Variants in KHDRBS2 observed in about 807,000 individuals in gnomAD.
KHDRBS2 encodes the protein KH domain-containing, RNA-binding, signal transduction-associated protein 2.
KHDRBS2 carries 26 observed loss-of-function variants against 44.3 expected under a neutral mutation model. The ratio of observed to expected loss-of-function variants is 0.59; its 90% CI spans 0.43 to 0.81. The LOEUF is 0.81. Among genes scored for constraint, KHDRBS2 ranks in the 40% least tolerant of loss-of-function variants. The pLI, the probability that KHDRBS2 is intolerant of heterozygous loss-of-function variation, is 0.00. For missense variants in KHDRBS2, 476 were observed against 433.1 expected (o/e 1.10, Z -0.88); for synonymous variants, 194 against 151.1 (o/e 1.28, Z -2.08).
intron 2 of KHDRBS2, among the ~76,000 whole-genome samples, chr6:62,110,345 A>G (rs1804707860): frequency 6.6e-6 from 1 of 152,078 alleles, no homozygotes; most frequent in Non-Finnish European, 1.5e-5. Flanking sequence ...AGAGAAAGAA[A>G]TATCTGTACC....
At chr6:61,862,822 C>T (rs139337018) in intron 6 of KHDRBS2, among the ~76,000 whole-genome samples, 2,400 of 152,074 alleles carry the variant, frequency 0.016, 40 homozygotes, top group African/African-American at 0.043. Flanking sequence ...ATCAGGATGA[C>T]GCTGGCCTCA....
chr6:61,818,037 G>A (rs540627910), intron 6 of KHDRBS2, among the ~76,000 whole-genome samples: 236 of 151,978 alleles, frequency 1.6e-3, no homozygotes, highest in African/African-American at 5.5e-3. Flanking sequence ...AAACCCAGAG[G>A]CTTGAATCAC....
At chr6:61,816,575 C>T (rs1464821846) in intron 6 of KHDRBS2, 5 of 444,252 alleles carry the variant, frequency 1.1e-5, no homozygotes, top group Non-Finnish European at 1.8e-5. Flanking sequence ...GCCTCCAGAA[C>T]TATGAGAAAA....
intron 1 of KHDRBS2, among the ~76,000 whole-genome samples, chr6:62,179,020 G>A (rs1198707560): frequency 6.6e-6 from 1 of 151,266 alleles, no homozygotes; most frequent in Non-Finnish European, 1.5e-5. Flanking sequence ...TAATAGTTTT[G>A]TTTTTTGTTA....
intron 1 of KHDRBS2, among the ~76,000 whole-genome samples, chr6:62,233,846 A>G (rs1585329350): frequency 6.6e-6 from 1 of 152,122 alleles, no homozygotes; most frequent in South Asian, 2.1e-4. Flanking sequence ...ATAGTATTCC[A>G]CAGTGTATAT....
At chr6:61,816,626 T>C (rs1329237512) in intron 6 of KHDRBS2, 3 of 451,978 alleles carry the variant, frequency 6.6e-6, no homozygotes, top group Non-Finnish European at 8.9e-6. Flanking sequence ...TTGTGGTACT[T>C]CGTTATCACA....
At chr6:61,746,142 G>A (rs1029280635) in intron 6 of KHDRBS2, among the ~76,000 whole-genome samples, 1 of 152,020 alleles carries the variant, frequency 6.6e-6, no homozygotes, top group Non-Finnish European at 1.5e-5. Context: ...GTGTACATGT[G>A]CCATGGTGGT....
intron 6 of KHDRBS2, among the ~76,000 whole-genome samples, chr6:61,746,425 A>G (rs1776866565): frequency 6.6e-6 from 1 of 151,674 alleles, no homozygotes. Context: ...TTCTGTTCCT[A>G]TGTTAGTTTG....
At position 61,810,753 on chromosome 6, in the gene KHDRBS2, T is replaced by C. The variant is rs748443342; in HGVS notation, c.811-77989A>G. On this transcript the variant is annotated intron_variant, in intron 6 of 8. Coordinates refer to ENST00000281156, the MANE Select transcript of KHDRBS2 (RefSeq NM_152688.4). ...GAGAGGGACTGAGAATTGAATAAAA[T>C]AAGCTACATCTTTAATAAATAAGAA... 9.9e-5 allele frequency among the ~76,000 whole-genome samples: 15 copies of C among 151,976 alleles called. No homozygotes were observed. In the South Asian group the frequency reaches 1.0e-3, roughly 10 times the overall value.
At chr6:62,143,282 C>A (rs930922471) in intron 2 of KHDRBS2, among the ~76,000 whole-genome samples, 2 of 151,910 alleles carry the variant, frequency 1.3e-5, no homozygotes, top group Non-Finnish European at 2.9e-5. Context: ...CCCACAAAAG[C>A]TTTCTTTTCA....
chr6:61,947,460 G>A (rs1409888261), intron 4 of KHDRBS2, among the ~76,000 whole-genome samples: 1 of 152,096 alleles, frequency 6.6e-6, no homozygotes, highest in East Asian at 1.9e-4. Context: ...AAGTTCTGTA[G>A]TATGAAGTAG....
chr6:62,196,724 A>G (rs570286083), intron 1 of KHDRBS2, among the ~76,000 whole-genome samples: 2 of 152,210 alleles, frequency 1.3e-5, no homozygotes, highest in African/African-American at 4.8e-5. Context: ...AGCTTGAGGG[A>G]CAAACTTAAA....
chr6:62,154,000 C>A (rs1248555970), intron 2 of KHDRBS2, among the ~76,000 whole-genome samples: 4 of 152,140 alleles, frequency 2.6e-5, no homozygotes, highest in Non-Finnish European at 5.9e-5. Context: ...TGTTTGGTTT[C>A]TTTGTTTCAC....
chr6:62,054,539 T>C lies in KHDRBS2; in HGVS notation c.220-6545A>G, dbSNP rs188761122. ...AATTAGAGATCTTGAGATGAGGGATTATCCTGGATTACCCAGCTGTGCCTA... is the reference window on the plus strand; with the variant it reads ...AATTAGAGATCTTGAGATGAGGGATCATCCTGGATTACCCAGCTGTGCCTA... On this transcript the variant is annotated intron_variant, in intron 2 of 8. Transcript: ENST00000281156. Among the ~76,000 whole-genome samples the C allele has an allele frequency of 2.0e-5, 3 of 152,172 alleles. No individual in the cohort carries two copies. In the East Asian group the frequency reaches 5.8e-4, roughly 30 times the overall value.
chr6:62,255,782 T>C (rs1352288317), intron 1 of KHDRBS2, among the ~76,000 whole-genome samples: 1 of 151,954 alleles, frequency 6.6e-6, no homozygotes, highest in Non-Finnish European at 1.5e-5. Flanking sequence ...AAAACCATCC[T>C]ATACGCTTTT....
At chr6:62,104,354 C>T (rs960602999) in intron 2 of KHDRBS2, among the ~76,000 whole-genome samples, 1 of 151,902 alleles carries the variant, frequency 6.6e-6, no homozygotes, top group Non-Finnish European at 1.5e-5. Context: ...AGGTTAGTTA[C>T]ATATGTATAC....
intron 3 of KHDRBS2, among the ~76,000 whole-genome samples, chr6:61,999,874 A>G (rs1777901052): frequency 6.6e-6 from 1 of 152,194 alleles, no homozygotes; most frequent in Admixed American, 6.5e-5. Flanking sequence ...CATTATTAAA[A>G]TCAGAAACAA....
intron 2 of KHDRBS2, among the ~76,000 whole-genome samples, chr6:62,134,349 A>G (rs961688764): frequency 1.2e-4 from 19 of 152,124 alleles, no homozygotes; most frequent in African/African-American, 4.6e-4. Context: ...AGGTGCACAG[A>G]AGTCAAGAAC....
chr6:61,995,285 A>C (rs1776960797), intron 3 of KHDRBS2, among the ~76,000 whole-genome samples: 1 of 152,206 alleles, frequency 6.6e-6, no homozygotes, highest in Non-Finnish European at 1.5e-5. Flanking sequence ...TCAAGTGATA[A>C]AATTGCTAAT....
Sources: gnomAD v4.1 joint callset for allele counts (sites outside exome capture counted in the v4.1 genomes callset) on GRCh38, gnomAD v4.1.1 for gene constraint, MANE v1.5 for transcripts, NCBI Gene and HGNC (gene_info 2026-07-23, HGNC 2026-07-21) for gene names.